The following TENM3 variants were observed in gnomAD, a reference collection of about 807,000 sequenced individuals.
TENM3 encodes teneurin-3.
In TENM3, 63 loss-of-function variants were observed where a neutral mutation model predicts 255.1. That is an observed-to-expected ratio of 0.25 (90% CI 0.20 to 0.30). The LOEUF (loss-of-function observed/expected upper bound fraction) is 0.30. Ranked by LOEUF, TENM3 falls within the 10% of genes least tolerant of loss-of-function variation. The probability of loss-of-function intolerance (pLI) is 1.00; values close to 1 mark genes in which losing one functional copy is unlikely to be tolerated. For synonymous variants in TENM3, 1,306 were observed against 1,322.3 expected, an observed-to-expected ratio of 0.99 and a Z score of 0.27; for missense variants, 2,929 against 3,461.1, an observed-to-expected ratio of 0.85 and a Z score of 3.86.
At chr4:181,450,916 A>ACAT in the TENM3 span, among the ~76,000 whole-genome samples, 1 of 152,198 alleles carries the variant, frequency 6.6e-6, no homozygotes, top group Non-Finnish European at 1.5e-5. Flanking sequence ...TCCTCAGTTA[A>ACAT]TGAAGTTTAA....
chr4:182,677,385 A>G (rs779855788), intron 7 of TENM3, among the ~76,000 whole-genome samples: 13 of 152,316 alleles, frequency 8.5e-5, no homozygotes, highest in South Asian at 2.1e-4. Flanking sequence ...CTAAAACTCA[A>G]AATTCCTCCC....
the TENM3 span, among the ~76,000 whole-genome samples, chr4:181,572,185 C>T: frequency 1.5e-5 from 1 of 68,512 alleles, no homozygotes. Flanking sequence ...TCCCAAAGTT[C>T]GGAATGCTTG....
rs1766291980 is a variant in TENM3 at position 182,793,844 on chromosome 4, A to G, written c.7172A>G (p.Asn2391Ser). 1.9e-6 allele frequency: 3 copies of G among 1,612,262 alleles called. No individual in the cohort carries two copies. The highest frequency in any genetic ancestry group is 2.5e-6 in the Non-Finnish European group (3 of 1,179,028). ...PFNLYMFRNN[N>S]PASKIHDVKD... ...AACTTGTACATGTTTAGGAATAACA[A>G]CCCTGCAAGCAAAATCCATGACGTG... is the stretch of plus-strand genomic sequence containing the variant. The change falls in exon 26 of 28, where the codon AAC (asparagine) becomes AGC (serine). Residue 2391 changes from asparagine (N) to serine (S), a missense_variant. By Grantham distance (46) the Asn-to-Ser change is conservative. Around this residue, in one of 6 missense-constraint regions of TENM3, gnomAD observed 476 missense variants for 480.1 expected, o/e 0.99. Coordinates refer to ENST00000511685, the MANE Select transcript of TENM3 (RefSeq NM_001080477.4). This position sits in a 1 kb window ranked among gnomAD's most constrained non-coding sequence, Gnocchi z 5.7.
At chr4:182,566,073 C>G (rs547101169) in intron 3 of TENM3, among the ~76,000 whole-genome samples, 1 of 152,218 alleles carries the variant, frequency 6.6e-6, no homozygotes, top group Admixed American at 6.5e-5. Flanking sequence ...TTCTCTGATT[C>G]CATCAGGCCT....
the TENM3 span, among the ~76,000 whole-genome samples, chr4:181,476,075 GT>G: frequency 6.6e-6 from 1 of 152,184 alleles, no homozygotes; most frequent in Non-Finnish European, 1.5e-5. Context: ...ACAGCAGTAG[GT>G]GCATTTCCTC....
At chr4:181,449,390 A>C in the TENM3 span, among the ~76,000 whole-genome samples, 2 of 152,192 alleles carry the variant, frequency 1.3e-5, no homozygotes, top group Non-Finnish European at 2.9e-5. Context: ...CTACTTGGGT[A>C]GTCTAATTAT....
chr4:182,621,591 C>T (rs1306027605), intron 4 of TENM3, among the ~76,000 whole-genome samples: 3 of 87,834 alleles, frequency 3.4e-5, no homozygotes, highest in East Asian at 3.1e-4. Flanking sequence ...AGGGAGACCC[C>T]CATCTGTACA....
At chr4:181,488,869 A>G in the TENM3 span, among the ~76,000 whole-genome samples, 1 of 152,302 alleles carries the variant, frequency 6.6e-6, no homozygotes, top group Non-Finnish European at 1.5e-5. Context: ...ATCTTTGCCA[A>G]AGTAATGGTA....
At chr4:182,024,274 T>C in the TENM3 span, among the ~76,000 whole-genome samples, 1,445 of 152,302 alleles carry the variant, frequency 9.5e-3, 21 homozygotes, top group African/African-American at 0.033. Context: ...AATTTTAGAA[T>C]GTCTACACTA....
the TENM3 span, among the ~76,000 whole-genome samples, chr4:181,716,646 T>C: frequency 6.6e-6 from 1 of 152,166 alleles, no homozygotes; most frequent in Non-Finnish European, 1.5e-5. Flanking sequence ...GTCATAAAAA[T>C]AGAGTCTACA....
At chr4:182,362,695 C>G (rs36190136) in intron 3 of TENM3, among the ~76,000 whole-genome samples, 31,435 of 152,084 alleles carry the variant, frequency 0.21, 3,448 homozygotes, top group African/African-American at 0.27. Context: ...CAATGCCTCG[C>G]CCTGCTTCGG....
At chr4:181,481,594 G>T in the TENM3 span, among the ~76,000 whole-genome samples, 3 of 152,208 alleles carry the variant, frequency 2.0e-5, no homozygotes, top group East Asian at 5.8e-4. Context: ...GGCCCAGAGA[G>T]GTTAATTAAC....
intron 3 of TENM3, among the ~76,000 whole-genome samples, chr4:182,417,901 T>C (rs1330391699): frequency 6.6e-6 from 1 of 152,224 alleles, no homozygotes; most frequent in Non-Finnish European, 1.5e-5. Context: ...GTTTGATATC[T>C]GTACATCTCT....
At chr4:182,231,366 A>G (rs1238259083) in intron 1 of TENM3, among the ~76,000 whole-genome samples, 1 of 152,118 alleles carries the variant, frequency 6.6e-6, no homozygotes, top group African/African-American at 2.4e-5. Context: ...AGGAGAACAA[A>G]AAAAAGGAAC....
chr4:182,588,138 A>G (rs1746229097), intron 3 of TENM3, among the ~76,000 whole-genome samples: 1 of 152,182 alleles, frequency 6.6e-6, no homozygotes, highest in Non-Finnish European at 1.5e-5. Flanking sequence ...TACCTAAAAT[A>G]AAGGGAATTT....
the TENM3 span, among the ~76,000 whole-genome samples, chr4:181,905,046 G>T: frequency 7.9e-5 from 12 of 152,140 alleles, no homozygotes; most frequent in African/African-American, 2.7e-4. Flanking sequence ...ACATGGAACT[G>T]TAAGTCAAAT....
At chr4:182,788,798 T>A (rs1259709018) in intron 24 of TENM3, among the ~76,000 whole-genome samples, 1 of 152,224 alleles carries the variant, frequency 6.6e-6, no homozygotes, top group Non-Finnish European at 1.5e-5. Context: ...TTTATCACCT[T>A]TAGAGCTCCT....
At chr4:182,761,084 C>G (rs557994856) in intron 22 of TENM3, among the ~76,000 whole-genome samples, 8 of 152,266 alleles carry the variant, frequency 5.3e-5, no homozygotes, top group Admixed American at 3.3e-4. Context: ...GTTCTCCTTA[C>G]AAAAGTGACC....
At chr4:181,965,964 G>C in the TENM3 span, among the ~76,000 whole-genome samples, 6 of 152,108 alleles carry the variant, frequency 3.9e-5, no homozygotes, top group Non-Finnish European at 7.4e-5. Context: ...TGAAGCTTTA[G>C]TATCTTTGGA....
Sources: allele counts gnomAD v4.1 joint callset (sites outside exome capture counted in the v4.1 genomes callset), GRCh38; gene constraint gnomAD v4.1.1; regional missense constraint gnomAD v4.1.1; non-coding constraint Gnocchi (gnomAD v3.1); transcripts MANE v1.5; gene names NCBI Gene and HGNC (gene_info 2026-07-23, HGNC 2026-07-21).